The following DYNC2I1 variants were observed in gnomAD, a reference collection of about 807,000 sequenced individuals.
DYNC2I1 encodes the protein dynein 2 intermediate chain 1.
DYNC2I1 carries 89 observed loss-of-function variants against 133.4 expected under a neutral mutation model. The ratio of observed to expected loss-of-function variants is 0.67; its 90% CI spans 0.56 to 0.80. The LOEUF is 0.80. Among genes scored for constraint, DYNC2I1 ranks in the 30% least tolerant of loss-of-function variants. The pLI is 0.00. For missense variants in DYNC2I1, 1,291 were observed against 1,314.5 expected, an observed-to-expected ratio of 0.98 and a Z score of 0.28; for synonymous variants, 504 against 484.3, an observed-to-expected ratio of 1.04 and a Z score of -0.54.
chr7:158,884,536 G>T, intron 5 of DYNC2I1, 28 bp from the exon 6 acceptor site: 1 of 1,604,138 alleles, frequency 6.2e-7, no homozygotes, highest in South Asian at 1.1e-5. Context: ...CTAATAAATG[G>T]TTATGGGATT....
Position 158,911,615 on chromosome 7 carries a change from A to C in DYNC2I1, c.1526A>C (p.Asp509Ala). Reference sequence around the variant, plus strand: ...TTTTCATTTACTTTCTCTCTCTTGGATCTACCACCAGTAAATGAATATGAC... The same window carrying C: ...TTTTCATTTACTTTCTCTCTCTTGGCTCTACCACCAGTAAATGAATATGAC... Reference protein sequence around the residue: ...LDFSFTFSLLDLPPVNEYDMY... With the variant: ...LDFSFTFSLLALPPVNEYDMY... Residue 509 changes from aspartate to alanine, a missense_variant, in exon 12 of 25, where the codon GAT becomes GCT. Physicochemically the swap from Asp to Ala is moderately radical, Grantham distance 126. Transcript: ENST00000407559. 1 of 1,613,662 alleles carries C rather than the reference A, an allele frequency of 6.2e-7. No homozygotes were observed. The highest frequency in any genetic ancestry group is 1.6e-4 in the Middle Eastern group (1 of 6,062).
In DYNC2I1 at chr7:158,891,181, T is replaced by C. The variant is rs1845180689; in HGVS notation, c.991-84T>C. 3.4e-6 allele frequency: 5 copies of C among 1,486,564 alleles called. No homozygotes were observed. In the African/African-American group the frequency reaches 4.1e-5, roughly 12 times the overall value. The allele number at this position is 1,486,564 out of a possible 1,614,324, so 92.1% of individuals were successfully genotyped here. On this transcript the variant is annotated intron_variant, in intron 7 of 24. Coordinates refer to ENST00000407559, the MANE Select transcript of DYNC2I1 (RefSeq NM_018051.5). ...TGCTGAGGGCTGGCGGGCTCCGCAG[T>C]GGTGGGGTGGGGGGGAGCTGCGTGG...
At position 158,893,624 on chromosome 7, in the gene DYNC2I1, A is replaced by G. The variant is rs59277300; in HGVS notation, c.1059+2291A>G. Among the ~76,000 whole-genome samples the G allele has an allele frequency of 3.8e-3, 580 of 152,256 alleles. 3 individuals carry two copies. The highest frequency in any genetic ancestry group is 0.013 in the African/African-American group (539 of 41,518). On this transcript the variant is annotated intron_variant, in intron 8 of 24. Transcript: ENST00000407559. The stretch of plus-strand genomic sequence containing the variant: ...TGTGGCTGCTGCTGTTGCCAGCATC[A>G]TAACAGTATTGTACCACATATCGTA...
chr7:158,913,131 C>T (rs1847657361), intron 13 of DYNC2I1, 35 bp downstream of exon 13: 14 of 1,443,860 alleles, frequency 9.7e-6, no homozygotes, highest in Non-Finnish European at 1.3e-5. Flanking sequence ...ACCATTGACT[C>T]TCTTTACATT....
intron 20 of DYNC2I1, among the ~76,000 whole-genome samples, chr7:158,930,113 G>A (rs992411241): frequency 6.6e-6 from 1 of 152,238 alleles, no homozygotes; most frequent in Admixed American, 6.5e-5. Flanking sequence ...AGCGTTTGCT[G>A]CTGTGATCTA....
At chr7:158,887,812 A>G (rs754393301) in intron 7 of DYNC2I1, among the ~76,000 whole-genome samples, 2 of 152,080 alleles carry the variant, frequency 1.3e-5, no homozygotes, top group African/African-American at 2.4e-5. Context: ...AATTGTTTCC[A>G]TGTGTTAAGC....
intron 3 of DYNC2I1, among the ~76,000 whole-genome samples, chr7:158,875,587 GC>G (rs901113086): frequency 5.9e-5 from 9 of 152,132 alleles, no homozygotes; most frequent in African/African-American, 2.2e-4. Context: ...GGCTCTGTTT[GC>G]CCCCGGTCTC....
chr7:158,913,194 T>G (rs1847663739), intron 13 of DYNC2I1, 98 bp downstream of exon 13: 4 of 956,652 alleles, frequency 4.2e-6, no homozygotes, highest in Non-Finnish European at 6.2e-6. Flanking sequence ...TCATTTTGTC[T>G]TTCTCTTCTG....
downstream of DYNC2I1, among the ~76,000 whole-genome samples, chr7:158,947,160 T>G (rs1187503215): frequency 6.6e-6 from 1 of 152,210 alleles, no homozygotes; most frequent in Non-Finnish European, 1.5e-5. Flanking sequence ...CGTCTGCATC[T>G]TCATGGAACT....
At chr7:158,933,286 A>G (rs1243659488) in intron 21 of DYNC2I1, among the ~76,000 whole-genome samples, 2 of 152,268 alleles carry the variant, frequency 1.3e-5, no homozygotes, top group East Asian at 1.9e-4. Context: ...TCTAAATGCC[A>G]TAAACAGGAG....
At chr7:158,870,998 A>G in intron 2 of DYNC2I1, 144 bp from the exon 3 acceptor site, 1 of 947,568 alleles carries the variant, frequency 1.1e-6, no homozygotes, top group Non-Finnish European at 1.5e-6. Flanking sequence ...CCCGTCTGGG[A>G]TTGGAAACTG....
intron 7 of DYNC2I1, among the ~76,000 whole-genome samples, chr7:158,889,756 C>A (rs1018956387): frequency 3.9e-5 from 6 of 152,022 alleles, no homozygotes; most frequent in African/African-American, 1.4e-4. Flanking sequence ...GTAACCCCAA[C>A]ACTTTGGGAG....
the DYNC2I1 span, among the ~76,000 whole-genome samples, chr7:158,842,249 A>T: frequency 1.3e-5 from 2 of 152,170 alleles, no homozygotes; most frequent in Admixed American, 1.3e-4. Context: ...GGCTGGTTTC[A>T]AACTCCTGAC....
chr7:158,907,277 T>C (rs1846927243), intron 11 of DYNC2I1, among the ~76,000 whole-genome samples: 1 of 141,054 alleles, frequency 7.1e-6, no homozygotes, highest in African/African-American at 2.9e-5. Context: ...GGCCTTCTTT[T>C]TTTTTTTTTT....
At chr7:158,902,873 C>G (rs529055917) in intron 10 of DYNC2I1, 1 of 400,992 alleles carries the variant, frequency 2.5e-6, no homozygotes, top group East Asian at 4.4e-5. Flanking sequence ...TGGCCCCACT[C>G]AGTGAGCACT....
the DYNC2I1 span, among the ~76,000 whole-genome samples, chr7:158,842,155 A>C: frequency 6.6e-6 from 1 of 152,166 alleles, no homozygotes; most frequent in Non-Finnish European, 1.5e-5. Flanking sequence ...CAGCCTCCTG[A>C]GTAGCTGGGA....
chr7:158,927,139 T>A, intron 20 of DYNC2I1, 96 bp downstream of exon 20: 1 of 840,152 alleles, frequency 1.2e-6, no homozygotes, highest in Non-Finnish European at 1.9e-6. Context: ...GGCTCACACC[T>A]GCTGGGAGCC....
chr7:158,894,436 A>G (rs915144598), intron 8 of DYNC2I1, among the ~76,000 whole-genome samples: 1 of 152,228 alleles, frequency 6.6e-6, no homozygotes, highest in African/African-American at 2.4e-5. Flanking sequence ...TGTAGTTAGA[A>G]TCATACTGTT....
At chr7:158,910,700 C>T (rs1438623839) in intron 11 of DYNC2I1, among the ~76,000 whole-genome samples, 2 of 149,248 alleles carry the variant, frequency 1.3e-5, no homozygotes, top group East Asian at 4.1e-4. Flanking sequence ...TCACTATTTG[C>T]TGTGTCAGAC....
Sources: gnomAD v4.1 joint callset for allele counts (sites outside exome capture counted in the v4.1 genomes callset) on GRCh38, gnomAD v4.1.1 for gene constraint, MANE v1.5 for transcripts, NCBI Gene and HGNC (gene_info 2026-07-23, HGNC 2026-07-21) for gene names.